ERC2: variants seen among roughly 807,000 people sequenced by gnomAD.
ERC2 encodes the protein ERC protein 2.
ERC2 carries 42 observed loss-of-function variants against 114.8 expected under a neutral mutation model. The ratio of observed to expected loss-of-function variants is 0.37; its 90% CI spans 0.29 to 0.47. The LOEUF is 0.47. Ranked by LOEUF, ERC2 falls within the 20% of genes least tolerant of loss-of-function variation. ERC2 has a pLI of 0.99. For missense variants in ERC2, 939 were observed against 1,150.7 expected (o/e 0.82, Z 2.66); for synonymous variants, 454 against 425.5 (o/e 1.07, Z -0.82).
intron 17 of ERC2, among the ~76,000 whole-genome samples, chr3:55,664,505 G>A (rs1382569701): frequency 2.6e-5 from 4 of 152,184 alleles, no homozygotes; most frequent in African/African-American, 7.2e-5. Context: ...CTCACGAACC[G>A]CCATCGCTGC....
At chr3:56,446,299 G>A (rs1356584501) in intron 1 of ERC2, among the ~76,000 whole-genome samples, 1 of 152,176 alleles carries the variant, frequency 6.6e-6, no homozygotes, top group East Asian at 1.9e-4. Context: ...CCAGGCTGGT[G>A]ATTGGGACTC....
intron 11 of ERC2, among the ~76,000 whole-genome samples, chr3:55,991,533 A>T (rs1171349446): frequency 1.3e-5 from 2 of 152,242 alleles, no homozygotes; most frequent in Admixed American, 6.5e-5. Flanking sequence ...ATATGTATTT[A>T]AAAGGTCCTC....
intron 2 of ERC2, among the ~76,000 whole-genome samples, chr3:56,404,753 T>C (rs2060648452): frequency 6.6e-6 from 1 of 151,018 alleles, no homozygotes; most frequent in Admixed American, 6.6e-5. Flanking sequence ...CAAGACAAGA[T>C]CTCCTTTTTA....
chr3:56,309,893 G>A (rs908953657), intron 2 of ERC2, among the ~76,000 whole-genome samples: 5 of 152,124 alleles, frequency 3.3e-5, no homozygotes, highest in African/African-American at 9.7e-5. Flanking sequence ...GAAAAGAAAC[G>A]GGCATAATGA....
At chr3:55,717,954 C>T (rs1361641015) in intron 15 of ERC2, among the ~76,000 whole-genome samples, 7 of 152,150 alleles carry the variant, frequency 4.6e-5, no homozygotes, top group South Asian at 2.1e-4. Context: ...GCTTTGTGCT[C>T]AGTGCACAGG....
At chr3:55,779,327 C>CAAAAAAAAAA (rs60185894) in intron 14 of ERC2, among the ~76,000 whole-genome samples, 54 of 62,360 alleles carry the variant, frequency 8.7e-4, no homozygotes, top group East Asian at 2.3e-3. Context: ...ACTAAAAATA[C>CAAAAAAAAAA]AAAAAAAAAA....
chr3:55,933,153 G>A lies in ERC2; in HGVS notation c.2403+17272C>T, dbSNP rs180971015. The stretch of plus-strand genomic sequence containing the variant: ...GAACCTGGGAGGTGGAGGCTGCAGT[G>A]AGTAGAGATCGCGCCACTGCACTCC... On this transcript the variant is annotated intron_variant, in intron 13 of 17. Transcript: ENST00000288221. Among the ~76,000 whole-genome samples, 272 of 150,972 alleles carry A rather than the reference G, an allele frequency of 1.8e-3. 1 individual carries two copies. The highest frequency in any genetic ancestry group is 4.6e-3 in the Admixed American group (69 of 15,156).
intron 2 of ERC2, among the ~76,000 whole-genome samples, chr3:56,389,527 G>C (rs2060053552): frequency 6.6e-6 from 1 of 152,200 alleles, no homozygotes; most frequent in Admixed American, 6.5e-5. Context: ...ACCTGCAACA[G>C]CAGGAGAGGG....
Position 56,018,918 on chromosome 3 carries a change from C to A in ERC2, c.1755G>T (p.Thr585=), listed in dbSNP as rs1374263307. ...DSSNTDTALA[T]LEEALSEKER... ...CCTTCTCTGACAGAGCTTCCTCTAG[C>A]GTCGCCAGTGCAGTATCTGTATTAC... is the stretch of plus-strand genomic sequence containing the variant. Residue 585 remains threonine, a synonymous_variant, in exon 8 of 18, where the codon ACG becomes ACT. Coordinates refer to ENST00000288221, the MANE Select transcript of ERC2 (RefSeq NM_015576.3). 1.2e-6 allele frequency: 2 copies of A among 1,612,862 alleles called. No homozygotes were observed. The highest frequency in any genetic ancestry group is 1.7e-6 in the Non-Finnish European group (2 of 1,179,368).
At chr3:55,936,160 G>T (rs1237445117) in intron 13 of ERC2, among the ~76,000 whole-genome samples, 4 of 152,198 alleles carry the variant, frequency 2.6e-5, no homozygotes, top group Non-Finnish European at 5.9e-5. Context: ...TGCATGGGCT[G>T]ATTGGCGTTG....
chr3:55,510,150 A>G lies in ERC2; in HGVS notation c.*1166T>C, dbSNP rs2051979995. On this transcript the variant is annotated 3_prime_UTR_variant, in exon 18 of 18. Coordinates refer to ENST00000288221, the MANE Select transcript of ERC2 (RefSeq NM_015576.3). ...TTAAATAATGACTGTATCCACATAC[A>G]TGTTGTGTAGAGCTATATACAGAGA... 6.6e-6 allele frequency: 1 copy of G among 152,538 alleles called. No individual in the cohort carries two copies. The highest frequency in any genetic ancestry group is 2.4e-5 in the African/African-American group (1 of 41,422). The allele number at this position is 152,538 out of a possible 1,614,324, so 9.4% of individuals were successfully genotyped here.
Position 55,638,161 on chromosome 3 carries a change from A to G in ERC2, c.*39+45633T>C, listed in dbSNP as rs529949441. The stretch of plus-strand genomic sequence containing the variant: ...TCATCTTTTCTCTTTCCCCCTGACC[A>G]TGTTCATTCCTAGTGTCTGGAAACT... On this transcript the variant is annotated intron_variant, in intron 17 of 17. Transcript: ENST00000288221. Among the ~76,000 whole-genome samples, 4 of 152,268 alleles carry G rather than the reference A, an allele frequency of 2.6e-5. No homozygotes were observed. The South Asian group carries it at 8.3e-4, about 32-fold the overall frequency.
At chr3:55,879,190 GT>G (rs2063009515) in intron 14 of ERC2, among the ~76,000 whole-genome samples, 1 of 137,560 alleles carries the variant, frequency 7.3e-6, no homozygotes, top group Admixed American at 8.1e-5. Flanking sequence ...TTTCATCTAC[GT>G]GACAGGGCAT....
intron 14 of ERC2, among the ~76,000 whole-genome samples, chr3:55,839,279 T>TA (rs760657940): frequency 4.6e-5 from 7 of 151,136 alleles, no homozygotes; most frequent in Admixed American, 4.0e-4. Context: ...CTTCTTCAGC[T>TA]AAAAAAAAGC....
chr3:56,170,613 T>TTTTTGAGGTAGTGTCTCAC (rs2082606749), intron 4 of ERC2, among the ~76,000 whole-genome samples: 1 of 149,488 alleles, frequency 6.7e-6, no homozygotes, highest in South Asian at 2.1e-4. Context: ...TTTTTTTTTT[T>TTTTTGAGGTAGTGTCTCAC]TGAGGTAGTG....
intron 17 of ERC2, among the ~76,000 whole-genome samples, chr3:55,600,173 G>A (rs974267994): frequency 6.6e-6 from 1 of 152,120 alleles, no homozygotes; most frequent in Non-Finnish European, 1.5e-5. Context: ...GATAGATATG[G>A]GAATTACATA....
intron 3 of ERC2, among the ~76,000 whole-genome samples, chr3:56,189,424 C>T (rs1474947406): frequency 2.0e-5 from 3 of 152,338 alleles, no homozygotes; most frequent in Middle Eastern, 3.4e-3. Flanking sequence ...GGCCATTCCA[C>T]GCACAGCCTG....
rs61573924 is a variant in ERC2, at chr3:55,850,845, AACACACACACAC to A, written c.2564+37532_2564+37543del. Among the ~76,000 whole-genome samples, 154 of 125,956 alleles carry A rather than the reference AACACACACACAC, an allele frequency of 1.2e-3. 1 individual carries two copies. Among genetic ancestry groups the A allele is most frequent in the African/African-American group, 2.8e-3 (92 of 33,056 alleles). 82.6% of individuals were successfully genotyped at this position (125,956 alleles called of 152,430 possible). A position where few individuals can be genotyped will look rare whatever the true frequency, so the allele number is the denominator to read the frequency against. ...TCCTGTTTCTAGATACTCTTTTTCA[AACACACACACAC>A]ACACACACACACACACACACACACA... is the stretch of plus-strand genomic sequence containing the variant. On this transcript the variant is annotated intron_variant, in intron 14 of 17. Transcript: ENST00000288221.
intron 3 of ERC2, among the ~76,000 whole-genome samples, chr3:56,218,201 C>A (rs1185717084): frequency 1.3e-5 from 2 of 152,036 alleles, no homozygotes; most frequent in Non-Finnish European, 2.9e-5. Context: ...AGTGAACAGG[C>A]AACCTACAGA....
Sources: gnomAD v4.1 joint callset for allele counts (sites outside exome capture counted in the v4.1 genomes callset) on GRCh38, gnomAD v4.1.1 for gene constraint, MANE v1.5 for transcripts, NCBI Gene and HGNC (gene_info 2026-07-23, HGNC 2026-07-21) for gene names.